The following RAB38 variants were observed in gnomAD, a reference collection of about 807,000 sequenced individuals.
RAB38 encodes the protein RAB38, member RAS oncogene family.
In RAB38, 15 loss-of-function variants were observed where a neutral mutation model predicts 18.4. That is an observed-to-expected ratio of 0.82 (90% CI 0.55 to 1.26). The LOEUF (loss-of-function observed/expected upper bound fraction) is 1.26. Among genes scored for constraint, RAB38 ranks in the 50% most tolerant of loss-of-function variants. RAB38 has a pLI of 0.00. For missense variants in RAB38, 294 were observed against 267.4 expected, an observed-to-expected ratio of 1.10 and a Z score of -0.69; for synonymous variants, 101 against 104.4, an observed-to-expected ratio of 0.97 and a Z score of 0.20.
chr11:87,937,222 T>C, the RAB38 span, among the ~76,000 whole-genome samples: 1 of 150,116 alleles, frequency 6.7e-6, no homozygotes, highest in Non-Finnish European at 1.5e-5. Flanking sequence ...GTAACTGCTC[T>C]TCTTTAGCTT....
the RAB38 span, among the ~76,000 whole-genome samples, chr11:88,026,700 G>C: frequency 1.3e-5 from 2 of 150,838 alleles, no homozygotes; most frequent in African/African-American, 2.4e-5. Context: ...AATTCTTATA[G>C]GAAAAGTGTT....
At chr11:88,055,524 A>G in the RAB38 span, among the ~76,000 whole-genome samples, 1 of 152,224 alleles carries the variant, frequency 6.6e-6, no homozygotes, top group Non-Finnish European at 1.5e-5. Flanking sequence ...CTAGGAAGAG[A>G]AAATCAATCA....
the RAB38 span, among the ~76,000 whole-genome samples, chr11:88,066,921 C>G: frequency 0.044 from 6,671 of 152,268 alleles, 211 homozygotes; most frequent in Non-Finnish European, 0.065. Flanking sequence ...AGGCCCTCTT[C>G]CAGCTAATCC....
the RAB38 span, among the ~76,000 whole-genome samples, chr11:87,951,719 G>A: frequency 6.6e-6 from 1 of 152,046 alleles, no homozygotes; most frequent in Non-Finnish European, 1.5e-5. Context: ...GCGGATATTG[G>A]TGAACCGCAA....
chr11:88,049,149 C>T, the RAB38 span, among the ~76,000 whole-genome samples: 2 of 152,076 alleles, frequency 1.3e-5, no homozygotes, highest in Non-Finnish European at 2.9e-5. Context: ...TCTCTCCATA[C>T]CACCCCAAAA....
At chr11:87,853,395 T>G in the RAB38 span, among the ~76,000 whole-genome samples, 1 of 152,132 alleles carries the variant, frequency 6.6e-6, no homozygotes, top group Non-Finnish European at 1.5e-5. Flanking sequence ...TTCTCCACCA[T>G]GGGAGAACAC....
At chr11:87,870,646 TG>T in the RAB38 span, among the ~76,000 whole-genome samples, 6 of 151,704 alleles carry the variant, frequency 4.0e-5, no homozygotes, top group Admixed American at 3.3e-4. Flanking sequence ...ATTAAGAAGA[TG>T]CCCACATAAA....
At chr11:87,856,729 A>G in the RAB38 span, among the ~76,000 whole-genome samples, 1 of 151,968 alleles carries the variant, frequency 6.6e-6, no homozygotes, top group South Asian at 2.1e-4. Flanking sequence ...TTTTAATTTT[A>G]ATTTTACTTT....
At chr11:87,811,692 T>G in the RAB38 span, among the ~76,000 whole-genome samples, 1 of 152,184 alleles carries the variant, frequency 6.6e-6, no homozygotes, top group Non-Finnish European at 1.5e-5. Context: ...CTTAAACCTT[T>G]TATTGTGTTG....
At chr11:88,054,708 T>C in the RAB38 span, among the ~76,000 whole-genome samples, 4 of 152,262 alleles carry the variant, frequency 2.6e-5, no homozygotes, top group African/African-American at 7.2e-5. Context: ...GGGTGATAGA[T>C]GTGCTTCACA....
At chr11:87,927,867 G>T in the RAB38 span, among the ~76,000 whole-genome samples, 2 of 151,954 alleles carry the variant, frequency 1.3e-5, no homozygotes, top group Non-Finnish European at 2.9e-5. Flanking sequence ...AGGAGTTCCA[G>T]ACCGGCCTGG....
the RAB38 span, among the ~76,000 whole-genome samples, chr11:87,825,012 A>ATGTG: frequency 8.6e-5 from 13 of 151,082 alleles, no homozygotes; most frequent in South Asian, 2.7e-3. Context: ...GTGTGTGTGT[A>ATGTG]TGTGTGTGTG....
the RAB38 span, among the ~76,000 whole-genome samples, chr11:87,916,708 TA>T: frequency 6.6e-6 from 1 of 152,184 alleles, no homozygotes; most frequent in Non-Finnish European, 1.5e-5. Flanking sequence ...CTTCTTACTT[TA>T]AATCTGTTTT....
the RAB38 span, among the ~76,000 whole-genome samples, chr11:87,932,646 C>T: frequency 6.6e-6 from 1 of 152,202 alleles, no homozygotes; most frequent in Admixed American, 6.6e-5. Flanking sequence ...AACAATTTCT[C>T]AAAGCTTGCT....
intron 1 of RAB38, chr11:88,174,126 G>T (rs1053280829): frequency 1.0e-6 from 1 of 975,486 alleles, no homozygotes; most frequent in South Asian, 4.7e-5. Context: ...TGAGCAGGAA[G>T]ATCCTTGACC....
chr11:87,974,582 T>C, the RAB38 span, among the ~76,000 whole-genome samples: 7 of 151,832 alleles, frequency 4.6e-5, no homozygotes, highest in Non-Finnish European at 8.8e-5. Context: ...AAATAATTTC[T>C]GAATTTTCCC....
intron 1 of RAB38, among the ~76,000 whole-genome samples, chr11:88,155,974 T>TA (rs1205924011): frequency 2.0e-5 from 3 of 152,030 alleles, no homozygotes; most frequent in Non-Finnish European, 2.9e-5. Flanking sequence ...CAGACATACA[T>TA]AAAAAAAGAG....
the RAB38 span, among the ~76,000 whole-genome samples, chr11:87,893,390 A>ATATATATATATATATATATATTTTT: frequency 5.9e-4 from 55 of 93,880 alleles, no homozygotes; most frequent in South Asian, 2.4e-3. Context: ...ATATATATAT[A>ATATATATATATATATATATATTTTT]TTTTTTTTTT....
chr11:87,808,382 A>G, the RAB38 span, among the ~76,000 whole-genome samples: 1 of 152,252 alleles, frequency 6.6e-6, no homozygotes, highest in Non-Finnish European at 1.5e-5. Flanking sequence ...CACCATAAAA[A>G]AGAAAATATC....
Sources: allele counts gnomAD v4.1 joint callset (sites outside exome capture counted in the v4.1 genomes callset), GRCh38; gene constraint gnomAD v4.1.1; transcripts MANE v1.5; gene names NCBI Gene and HGNC (gene_info 2026-07-23, HGNC 2026-07-21).